The following CELF2 variants were observed in gnomAD, a reference collection of about 807,000 sequenced individuals.
The protein encoded by CELF2 is CUGBP Elav-like family member 2, also known as CUG triplet repeat RNA-binding protein 2.
Under a neutral mutation model 62.6 loss-of-function variants are expected in CELF2, and 8 were observed. The observed-to-expected ratio is 0.13, with a 90% confidence interval of 0.07 to 0.23. The LOEUF is 0.23. Among genes scored for constraint, CELF2 ranks in the 10% least tolerant of loss-of-function variants. CELF2 has a pLI of 1.00. For missense variants in CELF2, 333 were observed against 671.0 expected (o/e 0.50, Z 5.56); for synonymous variants, 258 against 250.0 (o/e 1.03, Z -0.30).
intron 1 of CELF2, among the ~76,000 whole-genome samples, chr10:11,054,523 T>G (rs945691166): frequency 1.1e-4 from 9 of 83,864 alleles, no homozygotes; most frequent in African/African-American, 3.8e-4. Context: ...GTGTGTGTGT[T>G]AATAGGACCG....
the CELF2 span, among the ~76,000 whole-genome samples, chr10:10,764,086 A>G: frequency 1.3e-5 from 2 of 152,186 alleles, no homozygotes; most frequent in Middle Eastern, 6.3e-3. Flanking sequence ...TAACAGAGCC[A>G]CTCTGGGGTC....
chr10:11,288,171 G>A (rs937609039), intron 8 of CELF2, among the ~76,000 whole-genome samples: 7 of 152,220 alleles, frequency 4.6e-5, no homozygotes, highest in Non-Finnish European at 7.3e-5. Flanking sequence ...GGAGAACTAC[G>A]GGGTGGGATT....
intron 2 of CELF2, among the ~76,000 whole-genome samples, chr10:11,167,359 A>G (rs796937433): frequency 2.4e-4 from 36 of 152,354 alleles, no homozygotes; most frequent in African/African-American, 7.0e-4. Context: ...GCAGTAAACT[A>G]TGCTTTAGAG....
At chr10:10,923,571 T>A (rs528744561) in intron 2 of CELF2, among the ~76,000 whole-genome samples, 59 of 152,320 alleles carry the variant, frequency 3.9e-4, no homozygotes, top group Non-Finnish European at 7.1e-4. Flanking sequence ...GGCGCTAAGT[T>A]TGTTTTTCAT....
chr10:10,745,262 G>T, the CELF2 span, among the ~76,000 whole-genome samples: 2 of 151,998 alleles, frequency 1.3e-5, no homozygotes, highest in Non-Finnish European at 2.9e-5. Context: ...GTCAGACCTC[G>T]TGCAAAATAA....
the CELF2 span, among the ~76,000 whole-genome samples, chr10:10,673,739 A>G: frequency 5.3e-5 from 8 of 152,074 alleles, no homozygotes; most frequent in African/African-American, 1.9e-4. Context: ...CTGTGTTTTC[A>G]TTTTCATTTG....
rs1419739208 is a variant in CELF2, at chr10:11,300,194, G to C, written c.976+11642G>C. 2.6e-5 allele frequency among the ~76,000 whole-genome samples: 4 copies of C among 152,300 alleles called. No homozygotes were observed. The East Asian group carries it at 7.7e-4, about 29-fold the overall frequency. ...ATGAACATTAAAGGAGTGGAAACAG[G>C]ACAGCTGCTTTGGACGTGAGGAGCA... On this transcript the variant is annotated intron_variant, in intron 9 of 12. Coordinates refer to ENST00000633077, the MANE Select transcript of CELF2 (RefSeq NM_001326342.2). This position sits in a 1 kb window ranked among gnomAD's most constrained non-coding sequence, Gnocchi z 5.5.
the CELF2 span, among the ~76,000 whole-genome samples, chr10:10,539,010 A>C: frequency 6.6e-6 from 1 of 152,252 alleles, no homozygotes; most frequent in Non-Finnish European, 1.5e-5. Context: ...AAAACTTCTT[A>C]GTCGTCAGAT....
chr10:11,038,711 A>C (rs1367768191), intron 1 of CELF2, among the ~76,000 whole-genome samples: 2 of 152,214 alleles, frequency 1.3e-5, no homozygotes, highest in Non-Finnish European at 2.9e-5. Flanking sequence ...ATATTACAAA[A>C]GATGGTAGGA....
rs879702440 is a variant in CELF2 at position 10,938,804 on chromosome 10, G to A, written c.89+18805G>A. Among the ~76,000 whole-genome samples, 2 of 152,200 alleles carry A rather than the reference G, an allele frequency of 1.3e-5. No individual in the cohort carries two copies. Among genetic ancestry groups the A allele is most frequent in the African/African-American group, 4.8e-5 (2 of 41,452 alleles). Reference sequence around the variant, plus strand: ...TGGACAACTCAGGCTCGAGCCCGCTGGGGACCCCGTGAAGCACTGCCCCAC... The same window carrying A: ...TGGACAACTCAGGCTCGAGCCCGCTAGGGACCCCGTGAAGCACTGCCCCAC... On this transcript the variant is annotated intron_variant, in intron 2 of 13. Transcript: ENST00000636488. This position sits in a 1 kb window ranked among gnomAD's most constrained non-coding sequence, Gnocchi z 4.2.
At chr10:11,233,661 A>G (rs2069780149) in intron 3 of CELF2, among the ~76,000 whole-genome samples, 1 of 152,156 alleles carries the variant, frequency 6.6e-6, no homozygotes, top group Admixed American at 6.5e-5. Context: ...AGCCAAACGC[A>G]AGAAATGGTC....
the CELF2 span, among the ~76,000 whole-genome samples, chr10:10,672,957 T>C: frequency 1.3e-5 from 2 of 152,168 alleles, no homozygotes; most frequent in African/African-American, 4.8e-5. Context: ...TTAATTATTA[T>C]TTGATTTCTT....
the CELF2 span, among the ~76,000 whole-genome samples, chr10:10,617,438 A>G: frequency 6.6e-6 from 1 of 152,178 alleles, no homozygotes; most frequent in Admixed American, 6.5e-5. Flanking sequence ...GCTCAGGTTC[A>G]GCAAAGGAAT....
At chr10:11,054,869 C>T (rs2064866161) in intron 1 of CELF2, among the ~76,000 whole-genome samples, 1 of 152,136 alleles carries the variant, frequency 6.6e-6, no homozygotes, top group Non-Finnish European at 1.5e-5. Context: ...CGGCCGCCAC[C>T]AATCCCAGCT....
intron 1 of CELF2, among the ~76,000 whole-genome samples, chr10:11,061,296 C>T (rs558442326): frequency 6.6e-6 from 1 of 152,316 alleles, no homozygotes; most frequent in South Asian, 2.1e-4. Context: ...TAAGCCAAAG[C>T]TTAATCCAGA....
intron 1 of CELF2, among the ~76,000 whole-genome samples, chr10:10,881,293 G>C (rs1253814452): frequency 6.6e-6 from 1 of 152,192 alleles, no homozygotes; most frequent in African/African-American, 2.4e-5. Flanking sequence ...GCATGTCCAA[G>C]CAAGACTTAC....
At chr10:10,675,253 G>C in the CELF2 span, among the ~76,000 whole-genome samples, 1 of 151,974 alleles carries the variant, frequency 6.6e-6, no homozygotes, top group African/African-American at 2.4e-5. Context: ...AACTTCACAG[G>C]GTATAGGAGT....
the CELF2 span, among the ~76,000 whole-genome samples, chr10:10,569,247 T>G: frequency 5.5e-4 from 84 of 152,260 alleles, no homozygotes; most frequent in South Asian, 1.0e-3. Context: ...CAGTTCCATC[T>G]GGCTGGGGAG....
intron 2 of CELF2, among the ~76,000 whole-genome samples, chr10:11,189,470 A>G (rs771575782): frequency 3.9e-5 from 6 of 152,190 alleles, no homozygotes; most frequent in Admixed American, 1.3e-4. Flanking sequence ...AATTTGGTTT[A>G]GGTCTCTAAT....
Sources: allele counts gnomAD v4.1 joint callset (sites outside exome capture counted in the v4.1 genomes callset), GRCh38; gene constraint gnomAD v4.1.1; non-coding constraint Gnocchi (gnomAD v3.1); transcripts MANE v1.5; gene names NCBI Gene and HGNC (gene_info 2026-07-23, HGNC 2026-07-21).